The following NRG3 variants were observed in gnomAD, a reference collection of about 807,000 sequenced individuals.
NRG3 encodes pro-neuregulin-3, membrane-bound isoform.
A neutral mutation model predicts 66.9 loss-of-function variants in NRG3; 31 were observed. The ratio of observed to expected loss-of-function variants is 0.46; its 90% CI spans 0.35 to 0.63. NRG3 has a LOEUF of 0.63. Ranked by LOEUF, NRG3 falls within the 20% of genes least tolerant of loss-of-function variation. The pLI is 0.00. For missense variants in NRG3, 910 were observed against 878.9 expected, an observed-to-expected ratio of 1.04 and a Z score of -0.45; for synonymous variants, 393 against 359.4, an observed-to-expected ratio of 1.09 and a Z score of -1.06.
At chr10:82,161,479 G>C (rs2071596321) in intron 1 of NRG3, among the ~76,000 whole-genome samples, 1 of 152,022 alleles carries the variant, frequency 6.6e-6, no homozygotes, top group Non-Finnish European at 1.5e-5. Flanking sequence ...CCTTTAGTAG[G>C]CCAGCACTTT....
intron 2 of NRG3, among the ~76,000 whole-genome samples, chr10:82,370,153 C>G (rs1564846662): frequency 7.2e-6 from 1 of 139,192 alleles, no homozygotes. Flanking sequence ...GCCAGTGTGA[C>G]AGCCTTCTGT....
intron 5 of NRG3, among the ~76,000 whole-genome samples, chr10:82,951,813 C>A (rs1849539720): frequency 6.6e-6 from 1 of 152,166 alleles, no homozygotes; most frequent in Admixed American, 6.6e-5. Context: ...ACATAATGAT[C>A]ATTCCTCTCA....
At chr10:82,457,869 T>C (rs113458233) in intron 2 of NRG3, among the ~76,000 whole-genome samples, 201 of 152,324 alleles carry the variant, frequency 1.3e-3, no homozygotes, top group African/African-American at 4.7e-3. Context: ...CTGTTCTCCC[T>C]GGGCTGATTT....
chr10:82,398,524 T>TGAGAGAGAGA (rs1488757627), intron 2 of NRG3, among the ~76,000 whole-genome samples: 8 of 141,138 alleles, frequency 5.7e-5, no homozygotes, highest in African/African-American at 2.2e-4. Flanking sequence ...TGTGTGTGTG[T>TGAGAGAGAGA]GTGAGAGAGA....
chr10:82,832,540 A>G (rs771812397), intron 3 of NRG3, among the ~76,000 whole-genome samples: 12 of 152,200 alleles, frequency 7.9e-5, no homozygotes, highest in African/African-American at 1.4e-4. Flanking sequence ...TTCATGATTG[A>G]GTAACCACCA....
At chr10:82,312,777 C>CTT (rs144685552) in intron 1 of NRG3, among the ~76,000 whole-genome samples, 5 of 149,180 alleles carry the variant, frequency 3.4e-5, no homozygotes, top group Admixed American at 6.7e-5. Context: ...TTAGAGCTTT[C>CTT]TTTTTTTTTT....
intron 2 of NRG3, among the ~76,000 whole-genome samples, chr10:82,510,944 C>A (rs1180101713): frequency 1.3e-5 from 2 of 152,108 alleles, no homozygotes; most frequent in African/African-American, 4.8e-5. Flanking sequence ...AGGCCCAGGA[C>A]ACATAGAAAA....
chr10:82,125,179 G>T (rs1044127501), intron 1 of NRG3, among the ~76,000 whole-genome samples: 1 of 151,906 alleles, frequency 6.6e-6, no homozygotes, highest in Non-Finnish European at 1.5e-5. Flanking sequence ...GATGAGAGAG[G>T]CATCCCCCGG....
At chr10:82,890,590 C>T (rs1378255573) in intron 4 of NRG3, among the ~76,000 whole-genome samples, 1 of 152,132 alleles carries the variant, frequency 6.6e-6, no homozygotes, top group Non-Finnish European at 1.5e-5. Flanking sequence ...TTCTACCTTT[C>T]TACATTTTAG....
At chr10:82,951,723 G>T in intron 5 of NRG3, 152 bp downstream of exon 5, 1 of 639,178 alleles carries the variant, frequency 1.6e-6, no homozygotes, top group Non-Finnish European at 2.8e-6. Context: ...TTTGTAAATT[G>T]TGGTGAGTGT....
At chr10:81,947,173 C>T (rs538746606) in intron 1 of NRG3, among the ~76,000 whole-genome samples, 12 of 152,210 alleles carry the variant, frequency 7.9e-5, no homozygotes, top group Admixed American at 4.6e-4. Context: ...TCTGTCTATT[C>T]GCAGTATCCA....
At chr10:82,582,979 A>G (rs2046451462) in intron 2 of NRG3, among the ~76,000 whole-genome samples, 1 of 152,176 alleles carries the variant, frequency 6.6e-6, no homozygotes, top group South Asian at 2.1e-4. Flanking sequence ...TAAATCTAGC[A>G]CAGCAGACTG....
chr10:81,886,218 C>T (rs1482968484), intron 1 of NRG3, among the ~76,000 whole-genome samples: 16 of 152,188 alleles, frequency 1.1e-4, no homozygotes, highest in Admixed American at 7.2e-4. Context: ...CACTCCATGC[C>T]GAGCAGGTAC....
intron 1 of NRG3, among the ~76,000 whole-genome samples, chr10:82,206,036 G>T (rs1039403598): frequency 1.3e-5 from 2 of 152,092 alleles, no homozygotes; most frequent in African/African-American, 4.8e-5. Flanking sequence ...ACTCAATGAT[G>T]CTCTACTTTT....
At chr10:82,296,550 A>G (rs943959377) in intron 1 of NRG3, among the ~76,000 whole-genome samples, 1 of 152,184 alleles carries the variant, frequency 6.6e-6, no homozygotes, top group Non-Finnish European at 1.5e-5. Context: ...GTATTTGTAC[A>G]TGTTTATGGG....
At chr10:82,331,864 G>A (rs1336648748) in intron 1 of NRG3, among the ~76,000 whole-genome samples, 1 of 152,196 alleles carries the variant, frequency 6.6e-6, no homozygotes, top group African/African-American at 2.4e-5. Context: ...TCAACATTTG[G>A]AAATTATAAT....
intron 1 of NRG3, among the ~76,000 whole-genome samples, chr10:81,991,666 C>A (rs2060746601): frequency 6.6e-6 from 1 of 151,936 alleles, no homozygotes; most frequent in Non-Finnish European, 1.5e-5. Context: ...AAAATCCACA[C>A]AAAAACAAAA....
chr10:81,928,003 C>T (rs1394855584), intron 1 of NRG3, among the ~76,000 whole-genome samples: 1 of 152,132 alleles, frequency 6.6e-6, no homozygotes, highest in Non-Finnish European at 1.5e-5. Flanking sequence ...TTGGTTTTTA[C>T]ATATGGATTC....
At chr10:82,699,934 G>T (rs368323577) in intron 2 of NRG3, among the ~76,000 whole-genome samples, 11 of 152,018 alleles carry the variant, frequency 7.2e-5, no homozygotes, top group Middle Eastern at 6.8e-3. Context: ...GCATAACTTG[G>T]TCTATGCATT....
Sources: gnomAD v4.1 joint callset for allele counts (sites outside exome capture counted in the v4.1 genomes callset) on GRCh38, gnomAD v4.1.1 for gene constraint, MANE v1.5 for transcripts, NCBI Gene and HGNC (gene_info 2026-07-23, HGNC 2026-07-21) for gene names.